IL1RAPL1: variants seen among roughly 807,000 people sequenced by gnomAD.
IL1RAPL1 encodes interleukin-1 receptor accessory protein-like 1.
Under a neutral mutation model 48.4 loss-of-function variants are expected in IL1RAPL1, and 3 were observed. The ratio of observed to expected loss-of-function variants is 0.06; its 90% CI spans 0.03 to 0.16. The LOEUF (loss-of-function observed/expected upper bound fraction) is 0.16, where lower values mean the gene tolerates loss of function less well. IL1RAPL1 is among the 10% of genes least tolerant of loss of function. IL1RAPL1 has a pLI of 1.00. For missense variants in IL1RAPL1, 349 were observed against 530.6 expected (o/e 0.66, Z 3.36); for synonymous variants, 185 against 187.7 (o/e 0.99, Z 0.12).
At chrX:29,045,941 TTCCTCC>T (rs764153190) in intron 2 of IL1RAPL1, among the ~76,000 whole-genome samples, 3,293 of 66,952 alleles carry the variant, frequency 0.049, 156 homozygotes, top group African/African-American at 0.093. Context: ...CTCCTCCTTC[TTCCTCC>T]TCCTCCTCCT....
chrX:29,526,105 A>G (rs1490516204), intron 5 of IL1RAPL1, among the ~76,000 whole-genome samples: 1 of 112,281 alleles, frequency 8.9e-6, no homozygotes. Flanking sequence ...AAGGCTGGTG[A>G]CAAGGAATTA....
intron 2 of IL1RAPL1, among the ~76,000 whole-genome samples, chrX:29,065,059 G>A (rs1252929619): frequency 9.0e-6 from 1 of 110,990 alleles, no homozygotes; most frequent in African/African-American, 3.3e-5. Flanking sequence ...AAAATGTTAT[G>A]TAATACATAA....
At chrX:29,929,899 A>G (rs919739343) in intron 8 of IL1RAPL1, among the ~76,000 whole-genome samples, 2 of 111,749 alleles carry the variant, frequency 1.8e-5, no homozygotes, top group South Asian at 7.4e-4. Flanking sequence ...TATGTCTGTA[A>G]CATTTAAATA....
chrX:29,030,224 T>C (rs915405684), intron 2 of IL1RAPL1, among the ~76,000 whole-genome samples: 2 of 111,515 alleles, frequency 1.8e-5, no homozygotes, highest in African/African-American at 6.5e-5. Context: ...AAGTTGGCTA[T>C]TTTGAGTCCT....
chrX:29,616,019 G>A (rs1490776127), intron 5 of IL1RAPL1, among the ~76,000 whole-genome samples: 1 of 111,438 alleles, frequency 9.0e-6, no homozygotes, highest in East Asian at 2.8e-4. Context: ...CAATAAGTGA[G>A]GCTTAATGGA....
At chrX:28,889,609 A>G (rs1180367700) in intron 2 of IL1RAPL1, among the ~76,000 whole-genome samples, 3 of 111,399 alleles carry the variant, frequency 2.7e-5, no homozygotes, top group Admixed American at 9.6e-5. Flanking sequence ...CTTCTCTCCA[A>G]CATCTTTCAA....
At chrX:28,687,509 G>A (rs1278471831) in intron 1 of IL1RAPL1, among the ~76,000 whole-genome samples, 1 of 112,318 alleles carries the variant, frequency 8.9e-6, no homozygotes. Context: ...GGGGCCGGGC[G>A]CGGTGGCTCA....
chrX:28,640,486 C>T (rs1346464684), intron 1 of IL1RAPL1, among the ~76,000 whole-genome samples: 2 of 109,344 alleles, frequency 1.8e-5, no homozygotes, highest in African/African-American at 6.7e-5. Context: ...GCTGGGATGA[C>T]AGGTGTGCAC....
chrX:29,859,751 C>T (rs1006893862), intron 6 of IL1RAPL1, among the ~76,000 whole-genome samples: 41 of 111,390 alleles, frequency 3.7e-4, no homozygotes, highest in African/African-American at 1.2e-3. Context: ...TGGTTTTTAC[C>T]ATAAGACATT....
At chrX:29,944,970 C>T (rs1397486173) in intron 9 of IL1RAPL1, among the ~76,000 whole-genome samples, 1 of 110,664 alleles carries the variant, frequency 9.0e-6, no homozygotes, top group Admixed American at 9.6e-5. Context: ...AAAAAGTAAT[C>T]ATCTTCTTCA....
At chrX:29,897,327 T>C (rs1421673488) in intron 6 of IL1RAPL1, among the ~76,000 whole-genome samples, 3 of 111,999 alleles carry the variant, frequency 2.7e-5, no homozygotes, top group Non-Finnish European at 3.8e-5. Flanking sequence ...TTTCAGGCAA[T>C]ATTTTTATAA....
At chrX:28,693,436 C>T (rs755699406) in intron 1 of IL1RAPL1, among the ~76,000 whole-genome samples, 13 of 112,355 alleles carry the variant, frequency 1.2e-4, no homozygotes, top group Admixed American at 7.5e-4. Context: ...GATGTGTTAT[C>T]GTTCAAGCCA....
intron 6 of IL1RAPL1, among the ~76,000 whole-genome samples, chrX:29,700,022 T>C (rs1227211499): frequency 1.8e-5 from 2 of 111,825 alleles, no homozygotes; most frequent in East Asian, 5.6e-4. Flanking sequence ...TATCTCTTTT[T>C]GTGATCTTGT....
At chrX:29,488,937 G>C (rs1421209565) in intron 5 of IL1RAPL1, among the ~76,000 whole-genome samples, 1 of 111,520 alleles carries the variant, frequency 9.0e-6, no homozygotes, top group Non-Finnish European at 1.9e-5. Flanking sequence ...GGCAAAAACT[G>C]CAAGACTGGG....
chrX:29,061,362 A>G (rs189576264), intron 2 of IL1RAPL1, among the ~76,000 whole-genome samples: 3 of 112,118 alleles, frequency 2.7e-5, no homozygotes, highest in African/African-American at 9.7e-5. Flanking sequence ...TAAAGTTATG[A>G]GTGAATAGAT....
In IL1RAPL1 at chrX:28,766,424, G is replaced by A. The variant is rs967149895; in HGVS notation, c.-24-22896G>A. 2.7e-5 allele frequency among the ~76,000 whole-genome samples: 3 copies of A among 110,584 alleles called. No individual in the cohort carries two copies. In the Admixed American group the frequency reaches 2.9e-4, roughly 11 times the overall value. On this transcript the variant is annotated intron_variant, in intron 1 of 10. Transcript: ENST00000378993. ...TTTAGTTTTTGTGGGTACCTGGCAG[G>A]TGTATATATTTTGGGGATATATGAG...
chrX:28,812,515 G>A (rs1006029605), intron 2 of IL1RAPL1, among the ~76,000 whole-genome samples: 18 of 110,518 alleles, frequency 1.6e-4, no homozygotes, highest in Non-Finnish European at 2.5e-4. Context: ...TTGTTAAAAT[G>A]TACATCTCTC....
chrX:28,623,074 A>C (rs1160004096), intron 1 of IL1RAPL1, among the ~76,000 whole-genome samples: 2 of 111,235 alleles, frequency 1.8e-5, no homozygotes, highest in African/African-American at 6.5e-5. Flanking sequence ...TCTAACTTCA[A>C]GTGAAATTAA....
At chrX:29,879,119 T>A (rs1026301946) in intron 6 of IL1RAPL1, among the ~76,000 whole-genome samples, 5 of 111,314 alleles carry the variant, frequency 4.5e-5, no homozygotes, top group Non-Finnish European at 7.6e-5. Flanking sequence ...CATGGATAGA[T>A]CTCAAAGACA....
Sources: allele counts gnomAD v4.1 joint callset (sites outside exome capture counted in the v4.1 genomes callset), GRCh38; gene constraint gnomAD v4.1.1; transcripts MANE v1.5; gene names NCBI Gene and HGNC (gene_info 2026-07-23, HGNC 2026-07-21).